The following PMFBP1 variants were observed in gnomAD, a reference collection of about 807,000 sequenced individuals.
PMFBP1 encodes the protein polyamine-modulated factor 1-binding protein 1.
A neutral mutation model predicts 137.8 loss-of-function variants in PMFBP1; 131 were observed. The observed-to-expected ratio is 0.95, with a 90% confidence interval of 0.82 to 1.10. The LOEUF (loss-of-function observed/expected upper bound fraction) is 1.10. Among genes scored for constraint, PMFBP1 ranks in the 50% least tolerant of loss-of-function variants. The probability of loss-of-function intolerance (pLI) is 0.00; values close to 1 mark genes in which losing one functional copy is unlikely to be tolerated. For synonymous variants in PMFBP1, 490 were observed against 450.4 expected (o/e 1.09, Z -1.11); for missense variants, 1,199 against 1,175.4 (o/e 1.02, Z -0.29).
chr16:72,185,940 T>C, the PMFBP1 span, among the ~76,000 whole-genome samples: 3 of 152,162 alleles, frequency 2.0e-5, no homozygotes, highest in East Asian at 5.8e-4. Context: ...AATAATCTGA[T>C]ATTGAATTAT....
chr16:72,245,183 CAG>C, the PMFBP1 span, among the ~76,000 whole-genome samples: 1 of 151,346 alleles, frequency 6.6e-6, no homozygotes, highest in Non-Finnish European at 1.5e-5. Flanking sequence ...ATTTTATAGA[CAG>C]AAAACTAAAT....
intron 6 of PMFBP1, among the ~76,000 whole-genome samples, 170 bp from the exon 7 acceptor site, chr16:72,139,569 T>C (rs1190018160): frequency 6.6e-6 from 1 of 152,236 alleles, no homozygotes; most frequent in African/African-American, 2.4e-5. Context: ...GCTCCCCATC[T>C]TACATCAAGA....
chr16:72,136,859 G>C, intron 7 of PMFBP1, 40 bp from the exon 8 acceptor site: 1 of 1,612,340 alleles, frequency 6.2e-7, no homozygotes, highest in Non-Finnish European at 8.5e-7. Context: ...GGAGATGAGA[G>C]ACAATGGAGA....
intron 2 of PMFBP1, among the ~76,000 whole-genome samples, chr16:72,165,528 C>T (rs1179265900): frequency 6.6e-6 from 1 of 151,986 alleles, no homozygotes; most frequent in East Asian, 1.9e-4. Context: ...AAACCATTCT[C>T]CTGCCTCAGC....
chr16:72,232,794 T>C, the PMFBP1 span, among the ~76,000 whole-genome samples: 4 of 152,084 alleles, frequency 2.6e-5, no homozygotes, highest in Admixed American at 2.0e-4. Context: ...ACAAATCCTA[T>C]GGAAGTGGGA....
chr16:72,202,710 C>T, the PMFBP1 span, among the ~76,000 whole-genome samples: 1 of 152,228 alleles, frequency 6.6e-6, no homozygotes, highest in African/African-American at 2.4e-5. Flanking sequence ...CATCCTCCTC[C>T]TGACTGCTGG....
the PMFBP1 span, among the ~76,000 whole-genome samples, chr16:72,215,421 C>A: frequency 6.7e-6 from 1 of 148,570 alleles, no homozygotes; most frequent in African/African-American, 2.4e-5. Context: ...AGTCTGACAG[C>A]TAACTTTGGT....
At chr16:72,146,475 T>C (rs752782522) in intron 5 of PMFBP1, among the ~76,000 whole-genome samples, 9 of 152,158 alleles carry the variant, frequency 5.9e-5, no homozygotes, top group Middle Eastern at 6.4e-3. Flanking sequence ...AAGACAAGGA[T>C]GCCCTCTCTC....
At chr16:72,123,103 T>TC (rs1472219421) in intron 18 of PMFBP1, 115 bp from the exon 19 acceptor site, 1 of 856,332 alleles carries the variant, frequency 1.2e-6, no homozygotes, top group African/African-American at 1.7e-5. Flanking sequence ...GCATCCCACG[T>TC]CCCCCACGCA....
At chr16:72,154,526 T>A in intron 3 of PMFBP1, 67 bp from the exon 4 acceptor site, 3 of 1,509,590 alleles carry the variant, frequency 2.0e-6, no homozygotes, top group Non-Finnish European at 8.9e-7. Context: ...CATTCCAGGA[T>A]TTTTTTTTCA....
chr16:72,161,463 T>C (rs2043061356), intron 3 of PMFBP1, among the ~76,000 whole-genome samples: 1 of 152,164 alleles, frequency 6.6e-6, no homozygotes, highest in Non-Finnish European at 1.5e-5. Context: ...TAGCAGAGCA[T>C]AGAACTGTAA....
chr16:72,205,002 T>G, the PMFBP1 span, among the ~76,000 whole-genome samples: 1 of 152,194 alleles, frequency 6.6e-6, no homozygotes, highest in Non-Finnish European at 1.5e-5. Context: ...CATCCTAGCC[T>G]GGTGGGCACA....
Position 72,123,114 on chromosome 16 carries a change from T to A in PMFBP1, c.2694-126A>T, listed in dbSNP as rs369951004. The stretch of plus-strand genomic sequence containing the variant: ...TGCTGCATCCCACGTCCCCCACGCA[T>A]CACCCCGTCCGCAGAGCTAAGGCCT... On this transcript the variant is annotated intron_variant, in intron 18 of 20. Transcript: ENST00000237353. The A allele has an allele frequency of 2.6e-4, 206 of 801,940 alleles. No homozygotes were observed. The African/African-American group carries it at 3.1e-3, about 12-fold the overall frequency. The allele number at this position is 801,940 out of a possible 1,614,324, so 49.7% of individuals were successfully genotyped here.
At chr16:72,123,051 G>A (rs939266251) in intron 18 of PMFBP1, 63 bp from the exon 19 acceptor site, 6 of 1,460,630 alleles carry the variant, frequency 4.1e-6, no homozygotes, top group Non-Finnish European at 5.7e-6. Context: ...CAAGGGTGCA[G>A]CTGGCTGAAT....
At position 72,139,294 on chromosome 16, in the gene PMFBP1, T is replaced by C. The variant is rs2042679615; in HGVS notation, c.913A>G (p.Lys305Glu). The change falls in exon 7 of 21, where the codon AAA becomes GAA. Residue 305 changes from lysine (K) to glutamate (E), a missense_variant. Lys to Glu is a moderately conservative substitution (Grantham distance 56). Coordinates refer to ENST00000237353, the MANE Select transcript of PMFBP1 (RefSeq NM_031293.3). ...PSSSEECEDI[K>E]KILKHLQEQK... ...GATCAGCAAATTTCTCCCACCTTTT[T>C]GATGTCTTCACACTCTTCTGAGGAG... is the stretch of plus-strand genomic sequence containing the variant. 18 of 1,612,440 alleles carry C rather than the reference T, an allele frequency of 1.1e-5. No individual in the cohort carries two copies. Among genetic ancestry groups the C allele is most frequent in the Non-Finnish European group, 1.5e-5 (18 of 1,178,510 alleles).
At chr16:72,221,966 C>A in the PMFBP1 span, among the ~76,000 whole-genome samples, 5 of 152,184 alleles carry the variant, frequency 3.3e-5, no homozygotes, top group Non-Finnish European at 5.9e-5. Context: ...GTAGCAGGCA[C>A]TTTGCCGGGC....
Position 72,119,339 on chromosome 16 carries a change from T to C in PMFBP1, c.3023A>G (p.Ter1008TrpextTer27). 6.2e-7 allele frequency: 1 copy of C among 1,614,110 alleles called. No individual in the cohort carries two copies. The highest frequency in any genetic ancestry group is 8.5e-7 in the Non-Finnish European group (1 of 1,179,938). ...MPHCPGSSYC[*>W] ...GCTGCTCAGGGCTAGATGTGGATTC[T>C]AGCAGTATGAGGAACCTGAGGGAAC... The change falls in exon 21 of 21, where the codon TAG (stop) becomes TGG (tryptophan). Residue 1008 changes from the stop codon to tryptophan (W), a stop_lost. Coordinates refer to ENST00000237353, the MANE Select transcript of PMFBP1 (RefSeq NM_031293.3).
rs377425126 is a variant in PMFBP1 at position 72,124,878 on chromosome 16, C to T, written c.2478G>A (p.Gln826=). The change falls in exon 17 of 21, where the codon CAG becomes CAA. Residue 826 remains glutamine, a synonymous_variant. Coordinates refer to ENST00000237353, the MANE Select transcript of PMFBP1 (RefSeq NM_031293.3). The stretch of plus-strand genomic sequence containing the variant: ...TCTTGAGGTCATTCTGGTGTTGCTT[C>T]TGCCACTGCAGCACCTGGCAGCTCA... ...EEMSCQVLQW[Q]KQHQNDLKML... is the part of the protein sequence containing the mutation. 1.5e-5 allele frequency: 25 copies of T among 1,614,236 alleles called. No individual in the cohort carries two copies. The African/African-American group carries it at 3.3e-4, about 22-fold the overall frequency.
the PMFBP1 span, among the ~76,000 whole-genome samples, chr16:72,195,792 C>G: frequency 2.6e-5 from 4 of 152,250 alleles, no homozygotes; most frequent in Non-Finnish European, 5.9e-5. Context: ...CACACAAAGG[C>G]TGCGGCCTGA....
Sources: allele counts gnomAD v4.1 joint callset (sites outside exome capture counted in the v4.1 genomes callset), GRCh38; gene constraint gnomAD v4.1.1; transcripts MANE v1.5; gene names NCBI Gene and HGNC (gene_info 2026-07-23, HGNC 2026-07-21).